The following CDC14A variants were observed in gnomAD, a reference collection of about 807,000 sequenced individuals.
CDC14A encodes cell division cycle 14A, also known as dual specificity protein phosphatase CDC14A.
In CDC14A, 53 loss-of-function variants were observed where a neutral mutation model predicts 74.4. The ratio of observed to expected loss-of-function variants is 0.71; its 90% CI spans 0.57 to 0.89. CDC14A has a LOEUF of 0.89. Among genes scored for constraint, CDC14A ranks in the 40% least tolerant of loss-of-function variants. The pLI, the probability that CDC14A is intolerant of heterozygous loss-of-function variation, is 0.00. For missense variants in CDC14A, 646 were observed against 713.7 expected (o/e 0.91, Z 1.08); for synonymous variants, 247 against 258.4 (o/e 0.96, Z 0.43).
At chr1:100,445,476 T>C (rs966933398) in intron 7 of CDC14A, among the ~76,000 whole-genome samples, 2 of 152,190 alleles carry the variant, frequency 1.3e-5, no homozygotes, top group Admixed American at 1.3e-4. Flanking sequence ...GCCCATTGTA[T>C]TAATTATTAA....
chr1:100,423,939 C>T, intron 4 of CDC14A: 1 of 346,282 alleles, frequency 2.9e-6, no homozygotes, highest in Non-Finnish European at 5.6e-6. Flanking sequence ...GAGGGTACAA[C>T]TGTCGCTGCC....
chr1:100,493,179 G>A (rs1389162515), intron 11 of CDC14A, among the ~76,000 whole-genome samples: 1 of 152,188 alleles, frequency 6.6e-6, no homozygotes. Flanking sequence ...GATCCTCCTA[G>A]TTGGAGGAAC....
At chr1:100,452,537 T>A (rs1421638276) in intron 7 of CDC14A, among the ~76,000 whole-genome samples, 1 of 152,046 alleles carries the variant, frequency 6.6e-6, no homozygotes. Flanking sequence ...ATTGTAAAAA[T>A]TCATGTTTTT....
rs138277388 is a variant in CDC14A, at chr1:100,362,040, C to G, written c.140+8188C>G. ...TTGGGTGACTGGGAGAGAGGGACAC[C>G]TTTAAGTAGGTGAGGTACGTAAATC... On this transcript the variant is annotated intron_variant, in intron 2 of 15. Coordinates refer to ENST00000336454, the MANE Select transcript of CDC14A (RefSeq NM_003672.4). Among the ~76,000 whole-genome samples the G allele has an allele frequency of 4.6e-5, 7 of 152,190 alleles. No individual in the cohort carries two copies. In the East Asian group the frequency reaches 1.4e-3, roughly 29 times the overall value.
chr1:100,395,978 C>T (rs562337501), intron 4 of CDC14A, among the ~76,000 whole-genome samples: 1 of 152,342 alleles, frequency 6.6e-6, no homozygotes, highest in South Asian at 2.1e-4. Context: ...TTACCTCCAC[C>T]CCTAGTCATC....
chr1:100,389,451 CAA>C (rs111538330), intron 3 of CDC14A, among the ~76,000 whole-genome samples: 5 of 112,436 alleles, frequency 4.4e-5, no homozygotes, highest in African/African-American at 1.1e-4. Flanking sequence ...GAATCTGTCT[CAA>C]AAAAAAAAAA....
intron 15 of CDC14A, among the ~76,000 whole-genome samples, chr1:100,514,055 G>C (rs546985664): frequency 6.6e-6 from 1 of 152,202 alleles, no homozygotes; most frequent in South Asian, 2.1e-4. Flanking sequence ...CTATAACTCT[G>C]TTGAGCTTAC....
intron 5 of CDC14A, among the ~76,000 whole-genome samples, chr1:100,435,306 T>C (rs368031490): frequency 9.5e-4 from 144 of 152,224 alleles, no homozygotes; most frequent in African/African-American, 3.3e-3. Flanking sequence ...GTTGCTGACA[T>C]ATTAGGCTAA....
At chr1:100,492,636 C>A (rs1048794483) in intron 11 of CDC14A, among the ~76,000 whole-genome samples, 1 of 152,122 alleles carries the variant, frequency 6.6e-6, no homozygotes, top group African/African-American at 2.4e-5. Flanking sequence ...TTTTTTGACG[C>A]TCTCTTTGTG....
intron 5 of CDC14A, among the ~76,000 whole-genome samples, chr1:100,431,093 CA>C (rs1280347280): frequency 6.6e-6 from 1 of 152,094 alleles, no homozygotes; most frequent in Non-Finnish European, 1.5e-5. Context: ...AGTGTACCCC[CA>C]TGAAAAAAGA....
At chr1:100,406,532 A>C (rs1232371957) in intron 4 of CDC14A, among the ~76,000 whole-genome samples, 1 of 152,064 alleles carries the variant, frequency 6.6e-6, no homozygotes, top group African/African-American at 2.4e-5. Context: ...CTGAGTATTT[A>C]ATCCATCATT....
At chr1:100,389,155 T>C (rs1332640085) in intron 3 of CDC14A, among the ~76,000 whole-genome samples, 3 of 111,038 alleles carry the variant, frequency 2.7e-5, no homozygotes, top group Non-Finnish European at 5.2e-5. Context: ...GCCTGGGTGC[T>C]GGGTGACAGA....
At chr1:100,499,332 C>A in intron 15 of CDC14A, 70 bp downstream of exon 15, 1 of 1,613,956 alleles carries the variant, frequency 6.2e-7, no homozygotes, top group Non-Finnish European at 8.5e-7. Flanking sequence ...GCCTTCCCAG[C>A]CGAGGCTGCC....
chr1:100,468,037 G>A lies in CDC14A; in HGVS notation c.920G>A (p.Trp307Ter). The A allele has an allele frequency of 6.2e-7, 1 of 1,613,200 alleles. No homozygotes were observed. Among genetic ancestry groups the A allele is most frequent in the Non-Finnish European group, 8.5e-7 (1 of 1,179,684 alleles). The change falls in exon 10 of 16, where the codon TGG (tryptophan) becomes TAG (stop). Residue 307 changes from tryptophan to a stop codon, truncating the protein, a stop_gained. Coordinates refer to ENST00000336454, the MANE Select transcript of CDC14A (RefSeq NM_003672.4). LOFTEE classifies it high-confidence loss of function. ...TTTACACATGCTGAAATAATTGCTT[G>A]GATTAGAATATGCCGGCCAGGCTCT... is the stretch of plus-strand genomic sequence containing the variant. ...YRFTHAEIIA[W>*]IRICRPGSII...
intron 8 of CDC14A, among the ~76,000 whole-genome samples, chr1:100,457,965 G>C (rs570846682): frequency 6.6e-6 from 1 of 152,136 alleles, no homozygotes; most frequent in South Asian, 2.1e-4. Context: ...TAGATAAAAG[G>C]ATACGCAATT....
chr1:100,448,522 A>G (rs1015968114), intron 7 of CDC14A, among the ~76,000 whole-genome samples: 4 of 152,186 alleles, frequency 2.6e-5, no homozygotes, highest in African/African-American at 9.6e-5. Flanking sequence ...TTGTTTTTTC[A>G]TCATGGCATA....
intron 15 of CDC14A, among the ~76,000 whole-genome samples, chr1:100,506,412 G>A (rs542611475): frequency 6.7e-5 from 8 of 118,588 alleles, no homozygotes; most frequent in South Asian, 5.3e-4. Context: ...TCAACATTGC[G>A]ATTTTTTTTC....
At chr1:100,431,284 T>C (rs2101099660) in intron 5 of CDC14A, among the ~76,000 whole-genome samples, 1 of 152,198 alleles carries the variant, frequency 6.6e-6, no homozygotes, top group African/African-American at 2.4e-5. Flanking sequence ...GTTGCGAAAA[T>C]TCGCTCAGAC....
rs1211980706 is a variant in CDC14A, at chr1:100,499,005, ACCT to A, written c.1503_1505del (p.Ser504del). ...AACAGATGATCCAGAGAACAAAAAGACCTCCTCATCCTCTAAGGCAGGCTTCAC... is the reference window on the plus strand; with the variant it reads ...AACAGATGATCCAGAGAACAAAAAGACCTCATCCTCTAAGGCAGGCTTCAC... On this transcript the variant is annotated inframe_deletion, in exon 15 of 16. Transcript: ENST00000336454. 1.9e-6 allele frequency: 3 copies of A among 1,607,836 alleles called. No homozygotes were observed. Among genetic ancestry groups the A allele is most frequent in the African/African-American group, 2.7e-5 (2 of 74,656 alleles).
Sources: allele counts gnomAD v4.1 joint callset (sites outside exome capture counted in the v4.1 genomes callset), GRCh38; gene constraint gnomAD v4.1.1; transcripts MANE v1.5; gene names NCBI Gene and HGNC (gene_info 2026-07-23, HGNC 2026-07-21).